LIN7A: variants seen among roughly 807,000 people sequenced by gnomAD.
The protein encoded by LIN7A is lin-7 cell polarity scaffold A.
Under a neutral mutation model 29.8 loss-of-function variants are expected in LIN7A, and 25 were observed. That is an observed-to-expected ratio of 0.84 (90% CI 0.61 to 1.17). The LOEUF (loss-of-function observed/expected upper bound fraction) is 1.17. Ranked by LOEUF, LIN7A falls within the 50% of genes most tolerant of loss-of-function variation. LIN7A has a pLI of 0.00. For synonymous variants in LIN7A, 118 were observed against 107.5 expected, an observed-to-expected ratio of 1.10 and a Z score of -0.60; for missense variants, 239 against 287.0, an observed-to-expected ratio of 0.83 and a Z score of 1.21.
chr12:80,874,506 T>C (rs185521602), intron 2 of LIN7A, among the ~76,000 whole-genome samples: 2 of 152,222 alleles, frequency 1.3e-5, no homozygotes, highest in Admixed American at 1.3e-4. Context: ...AACAAATATA[T>C]GAGAAAATAG....
chr12:80,848,262 C>T lies in LIN7A; in HGVS notation c.262G>A (p.Ala88Thr). ...TACTCAAGCCTTACCTTTGCTGTTG[C>T]CCTCGCACGGAATTCGGGACAGCCA... Reference protein sequence around the residue: ...VNGCPEFRARATAKATVAAFA... With the variant: ...VNGCPEFRARTTAKATVAAFA... The change falls in exon 3 of 6, where the codon GCA (alanine) becomes ACA (threonine). Residue 88 changes from alanine to threonine, a missense_variant. Physicochemically the swap from Ala to Thr is moderately conservative, Grantham distance 58. Coordinates refer to ENST00000552864, the MANE Select transcript of LIN7A (RefSeq NM_004664.4). 1 of 1,612,742 alleles carries T rather than the reference C, an allele frequency of 6.2e-7. No individual in the cohort carries two copies. The highest frequency in any genetic ancestry group is 1.1e-5 in the South Asian group (1 of 91,040).
chr12:80,838,828 T>C (rs1198487633), intron 4 of LIN7A, among the ~76,000 whole-genome samples: 1 of 152,182 alleles, frequency 6.6e-6, no homozygotes, highest in Non-Finnish European at 1.5e-5. Flanking sequence ...CCCCTCTTCA[T>C]GCAAGCATCT....
At chr12:80,818,208 G>C (rs1871627741) in intron 4 of LIN7A, among the ~76,000 whole-genome samples, 1 of 152,058 alleles carries the variant, frequency 6.6e-6, no homozygotes, top group African/African-American at 2.4e-5. Context: ...CCCCAGGCTG[G>C]AGTGCAGTGG....
rs963004268 is a variant in LIN7A at position 80,848,440 on chromosome 12, A to G, written c.202-118T>C. On this transcript the variant is annotated intron_variant, in intron 2 of 5. Coordinates refer to ENST00000552864, the MANE Select transcript of LIN7A (RefSeq NM_004664.4). ...AAAAAATTCTCTATTGCAAAATAAC[A>G]TAGGTCTGATGTTTGGGAATGTACC... The G allele has an allele frequency of 2.6e-5, 18 of 700,478 alleles. No individual in the cohort carries two copies. In the Admixed American group the frequency reaches 3.8e-4, roughly 15 times the overall value. 43.4% of individuals were successfully genotyped at this position (700,478 alleles called of 1,614,324 possible).
chr12:80,877,121 C>CAAAAAAAAAAAAAA (rs55779514), intron 2 of LIN7A, among the ~76,000 whole-genome samples: 1 of 106,528 alleles, frequency 9.4e-6, no homozygotes, highest in Admixed American at 1.0e-4. Flanking sequence ...GACTCTGTCT[C>CAAAAAAAAAAAAAA]AAAAAAAAAA....
At chr12:80,884,004 T>C (rs1179286971) in intron 2 of LIN7A, among the ~76,000 whole-genome samples, 1 of 152,152 alleles carries the variant, frequency 6.6e-6, no homozygotes, top group Non-Finnish European at 1.5e-5. Flanking sequence ...CTTGATTATA[T>C]CTTTAAGTTC....
chr12:80,932,951 T>C (rs1391016797), intron 1 of LIN7A, among the ~76,000 whole-genome samples: 2 of 152,232 alleles, frequency 1.3e-5, no homozygotes, highest in East Asian at 1.9e-4. Context: ...AGAGTTGCTA[T>C]GAACATTTTA....
rs3072333 is a variant in LIN7A, at chr12:80,820,630, TAC to T, written c.484-8949_484-8948del. Among the ~76,000 whole-genome samples the T allele has an allele frequency of 1.2e-3, 175 of 147,408 alleles. 1 individual carries two copies. Among genetic ancestry groups the T allele is most frequent in the East Asian group, 8.2e-3 (41 of 5,008 alleles). On this transcript the variant is annotated intron_variant, in intron 4 of 5. Transcript: ENST00000552864. ...GATGGTTGTTGGAATGAAGATTAAA[TAC>T]ACACACACACACACACACACACACA...
intron 2 of LIN7A, among the ~76,000 whole-genome samples, chr12:80,871,122 G>A (rs573030438): frequency 5.3e-5 from 8 of 152,092 alleles, no homozygotes; most frequent in African/African-American, 9.7e-5. Flanking sequence ...AAAATAGTGC[G>A]GGAAATATAC....
At chr12:80,809,148 A>C (rs1871174481) in intron 5 of LIN7A, among the ~76,000 whole-genome samples, 1 of 151,850 alleles carries the variant, frequency 6.6e-6, no homozygotes, top group Admixed American at 6.6e-5. Context: ...TTTGAATTTT[A>C]ATAGAGATGG....
intron 5 of LIN7A, among the ~76,000 whole-genome samples, chr12:80,801,611 T>C (rs1870725605): frequency 6.6e-6 from 1 of 152,250 alleles, no homozygotes; most frequent in African/African-American, 2.4e-5. Flanking sequence ...TGTTTTGATA[T>C]GTTTAAAATG....
chr12:80,920,343 A>T (rs1228541614), intron 1 of LIN7A, among the ~76,000 whole-genome samples: 2 of 152,234 alleles, frequency 1.3e-5, no homozygotes, highest in Non-Finnish European at 2.9e-5. Context: ...ATTTGATATC[A>T]GGGCTGTAGT....
At chr12:80,811,987 T>C (rs1871313837) in intron 4 of LIN7A, among the ~76,000 whole-genome samples, 1 of 151,986 alleles carries the variant, frequency 6.6e-6, no homozygotes, top group African/African-American at 2.4e-5. Flanking sequence ...TCTGGAAGAG[T>C]AAATGCACTA....
intron 2 of LIN7A, among the ~76,000 whole-genome samples, chr12:80,858,924 T>C (rs778295917): frequency 2.0e-5 from 3 of 152,134 alleles, no homozygotes; most frequent in Non-Finnish European, 4.4e-5. Flanking sequence ...TAGGGATACA[T>C]TGTCATTGTC....
At chr12:80,823,589 G>A (rs1024406301) in intron 4 of LIN7A, among the ~76,000 whole-genome samples, 1 of 152,194 alleles carries the variant, frequency 6.6e-6, no homozygotes, top group Non-Finnish European at 1.5e-5. Flanking sequence ...CCCCTGGTAG[G>A]CACAGGATCC....
At chr12:80,843,081 G>T (rs1336633715) in intron 4 of LIN7A, among the ~76,000 whole-genome samples, 1 of 152,048 alleles carries the variant, frequency 6.6e-6, no homozygotes, top group African/African-American at 2.4e-5. Context: ...TGTCAGAAAT[G>T]GATTTTCTTT....
chr12:80,800,088 T>C (rs1422381898), intron 5 of LIN7A, among the ~76,000 whole-genome samples: 2 of 152,128 alleles, frequency 1.3e-5, no homozygotes, highest in African/African-American at 4.8e-5. Context: ...ATGAAAGTGG[T>C]CACATCACTA....
chr12:80,919,975 C>T (rs77104285), intron 1 of LIN7A, among the ~76,000 whole-genome samples: 2,004 of 152,268 alleles, frequency 0.013, 38 homozygotes, highest in African/African-American at 0.042. Context: ...CAGAATCTCT[C>T]GGTGACACAT....
intron 1 of LIN7A, chr12:80,937,145 G>C (rs1200633907): frequency 6.5e-6 from 1 of 153,654 alleles, no homozygotes; most frequent in African/African-American, 2.4e-5. Flanking sequence ...GTGGCCGCCG[G>C]GACTCCAGCA....
Sources: allele counts gnomAD v4.1 joint callset (sites outside exome capture counted in the v4.1 genomes callset), GRCh38; gene constraint gnomAD v4.1.1; transcripts MANE v1.5; gene names NCBI Gene and HGNC (gene_info 2026-07-23, HGNC 2026-07-21).